Variants in FAM163B observed in about 807,000 individuals in gnomAD.
The protein encoded by FAM163B is family with sequence similarity 163 member B.
FAM163B carries 4 observed loss-of-function variants against 7.6 expected under a neutral mutation model. The ratio of observed to expected loss-of-function variants is 0.52; its 90% CI spans 0.26 to 1.20. The LOEUF (loss-of-function observed/expected upper bound fraction) is 1.20, where lower values mean the gene tolerates loss of function less well. FAM163B is among the 50% of genes most tolerant of loss of function. The probability of loss-of-function intolerance (pLI) is 0.14; values close to 1 mark genes in which losing one functional copy is unlikely to be tolerated. For missense variants in FAM163B, 250 were observed against 243.0 expected (o/e 1.03, Z -0.19); for synonymous variants, 120 against 111.6 (o/e 1.07, Z -0.47).
At chr9:133,605,231 G>T (rs1444092506) in intron 1 of FAM163B, among the ~76,000 whole-genome samples, 1 of 152,212 alleles carries the variant, frequency 6.6e-6, no homozygotes, top group Admixed American at 6.5e-5. Flanking sequence ...CATCAGAGGC[G>T]GATGTAATGA....
At chr9:133,592,095 G>A (rs1200016005) in intron 1 of FAM163B, among the ~76,000 whole-genome samples, 1 of 152,134 alleles carries the variant, frequency 6.6e-6, no homozygotes, top group Non-Finnish European at 1.5e-5. Flanking sequence ...AGCCTCCCCA[G>A]GACACTGTGA....
chr9:133,580,663 C>T (rs2131213768), intron 1 of FAM163B, among the ~76,000 whole-genome samples: 1 of 152,316 alleles, frequency 6.6e-6, no homozygotes, highest in East Asian at 1.9e-4. Flanking sequence ...CCTGCATTTT[C>T]ATCTCACACA....
Position 133,600,128 on chromosome 9 carries a change from G to T in FAM163B, c.-24+8949C>A, listed in dbSNP as rs1831698428. On this transcript the variant is annotated intron_variant, in intron 1 of 2. Coordinates refer to ENST00000673969, the MANE Select transcript of FAM163B (RefSeq NM_001080515.3). The surrounding 1 kb of genome is among the most constrained non-coding windows in gnomAD (Gnocchi z 4.9). ...ATGTGTGTGGTCTATGTGTATGTGT[G>T]TCTGTGTGCGTGTGTGAATGTATGT... is the stretch of plus-strand genomic sequence containing the variant. Among the ~76,000 whole-genome samples the T allele has an allele frequency of 6.6e-6, 1 of 150,930 alleles. No individual in the cohort carries two copies. The highest frequency in any genetic ancestry group is 6.6e-5 in the Admixed American group (1 of 15,140).
At chr9:133,580,295 A>C in intron 1 of FAM163B, 49 bp from the exon 2 acceptor site, 5 of 1,361,844 alleles carry the variant, frequency 3.7e-6, no homozygotes, top group Non-Finnish European at 5.2e-6. Context: ...CTCACCACAA[A>C]AGTCACTCGT....
intron 1 of FAM163B, among the ~76,000 whole-genome samples, 51 bp downstream of exon 1, chr9:133,609,026 C>A (rs887568118): frequency 5.3e-5 from 8 of 152,338 alleles, no homozygotes; most frequent in African/African-American, 1.2e-4. Flanking sequence ...AGCTTTCCAG[C>A]CTGCGTCTTC....
At chr9:133,589,873 C>T (rs1226653258) in intron 1 of FAM163B, among the ~76,000 whole-genome samples, 1 of 151,232 alleles carries the variant, frequency 6.6e-6, no homozygotes, top group Admixed American at 6.6e-5. Flanking sequence ...TGCAGTTTCC[C>T]GATCTCCCAG....
chr9:133,605,280 G>T (rs772734197), intron 1 of FAM163B, among the ~76,000 whole-genome samples: 14 of 152,224 alleles, frequency 9.2e-5, no homozygotes, highest in Non-Finnish European at 1.9e-4. Flanking sequence ...GCCCAGAGAG[G>T]CTGAGTAACC....
In FAM163B at chr9:133,580,058, G is replaced by A. The variant is rs1831332225; in HGVS notation, c.93+73C>T. 25 of 1,310,828 alleles carry A rather than the reference G, an allele frequency of 1.9e-5. No homozygotes were observed. The South Asian group carries it at 2.3e-4, about 12-fold the overall frequency. 81.2% of individuals were successfully genotyped at this position (1,310,828 alleles called of 1,614,324 possible). ...GCCGTGACCCTTGTGACCTTCAGGC[G>A]GGGCTCCCTCCCGAGGTAGGGGCAC... On this transcript the variant is annotated intron_variant, in intron 2 of 2. Transcript: ENST00000673969.
rs1267696501 is a variant in FAM163B, at chr9:133,606,107, T to C, written c.-24+2970A>G. Among the ~76,000 whole-genome samples, 1 of 152,130 alleles carries C rather than the reference T, an allele frequency of 6.6e-6. No individual in the cohort carries two copies. Among genetic ancestry groups the C allele is most frequent in the Non-Finnish European group, 1.5e-5 (1 of 68,010 alleles). ...CTGACTCTCCAGCCTCCTCCTTCACTGATGAGGCCCGAGGGAAGGAGGAGG... is the reference window on the plus strand; with the variant it reads ...CTGACTCTCCAGCCTCCTCCTTCACCGATGAGGCCCGAGGGAAGGAGGAGG... On this transcript the variant is annotated intron_variant, in intron 1 of 2. Transcript: ENST00000673969. The surrounding 1 kb of genome is among the most constrained non-coding windows in gnomAD (Gnocchi z 4.0).
chr9:133,599,683 CAG>C (rs1334764725), intron 1 of FAM163B, among the ~76,000 whole-genome samples: 23 of 148,678 alleles, frequency 1.5e-4, no homozygotes, highest in Non-Finnish European at 2.7e-4. Flanking sequence ...GCATATGTGT[CAG>C]TGTGCATGTG....
chr9:133,588,837 C>T lies in FAM163B; in HGVS notation c.-23-8591G>A, dbSNP rs57113100. ...GCCAGTCACCCTGAATGGTCGTGGG[C>T]GCCAAGTTGTTGGTAGAGGAGATGG... is the stretch of plus-strand genomic sequence containing the variant. On this transcript the variant is annotated intron_variant, in intron 1 of 2. Transcript: ENST00000673969. Among the ~76,000 whole-genome samples the T allele has an allele frequency of 5.2e-4, 79 of 151,282 alleles. No homozygotes were observed. In the East Asian group the frequency reaches 9.8e-3, roughly 19 times the overall value.
At chr9:133,582,147 G>A (rs3893343) in intron 1 of FAM163B, among the ~76,000 whole-genome samples, 24,872 of 151,914 alleles carry the variant, frequency 0.16, 2,417 homozygotes, top group East Asian at 0.48. Flanking sequence ...GGCTGTGTGT[G>A]TGCCGAGAGG....
chr9:133,588,899 T>C (rs1261887249), intron 1 of FAM163B, among the ~76,000 whole-genome samples: 1 of 151,816 alleles, frequency 6.6e-6, no homozygotes, highest in Non-Finnish European at 1.5e-5. Context: ...GATGCTGAGC[T>C]CAGCAGCCTC....
In FAM163B at chr9:133,608,322, T is replaced by C. The variant is rs1490159816; in HGVS notation, c.-24+755A>G. Among the ~76,000 whole-genome samples, 3 of 152,336 alleles carry C rather than the reference T, an allele frequency of 2.0e-5. No individual in the cohort carries two copies. In the East Asian group the frequency reaches 5.8e-4, roughly 29 times the overall value. ...CACTTGTGCCCAGGCAGTCCGTGGC[T>C]GCGGGAGGACAGGACACGAGTGGGG... On this transcript the variant is annotated intron_variant, in intron 1 of 2. Transcript: ENST00000673969.
At chr9:133,587,699 C>T (rs2131230564) in intron 1 of FAM163B, among the ~76,000 whole-genome samples, 1 of 152,228 alleles carries the variant, frequency 6.6e-6, no homozygotes, top group East Asian at 1.9e-4. Context: ...CCCTGGGCCT[C>T]CTGGAGATGA....
intron 1 of FAM163B, among the ~76,000 whole-genome samples, chr9:133,596,073 T>G (rs1588331055): frequency 6.7e-6 from 1 of 149,240 alleles, no homozygotes; most frequent in Non-Finnish European, 1.5e-5. Context: ...GGAGGCAGAG[T>G]GGGAGGAAGC....
At chr9:133,593,462 G>A (rs751016528) in intron 1 of FAM163B, among the ~76,000 whole-genome samples, 6 of 151,894 alleles carry the variant, frequency 4.0e-5, no homozygotes, top group Non-Finnish European at 8.8e-5. Flanking sequence ...CTGCTCCCAG[G>A]CCCTCACCTC....
chr9:133,590,646 A>C (rs1831538859), intron 1 of FAM163B, among the ~76,000 whole-genome samples: 1 of 152,194 alleles, frequency 6.6e-6, no homozygotes, highest in Non-Finnish European at 1.5e-5. Flanking sequence ...AGCCTTACGG[A>C]CAGGAGCAGG....
In FAM163B at chr9:133,580,141, C is replaced by T; in HGVS notation, c.83G>A (p.Cys28Tyr). 1 of 1,612,126 alleles carries T rather than the reference C, an allele frequency of 6.2e-7. No homozygotes were observed. ...GCCGCCCGGGAATACCTGGAGCCGG[C>T]AGTAGCACAGAACAGCGATGATGCA... ...LLCIIAVLCY[C>Y]RLQYYCCKKD... The change falls in exon 2 of 3, where the codon TGC becomes TAC. Residue 28 changes from cysteine to tyrosine, a missense_variant. Physicochemically the swap from Cys to Tyr is radical, Grantham distance 194. Coordinates refer to ENST00000673969, the MANE Select transcript of FAM163B (RefSeq NM_001080515.3).
Sources: gnomAD v4.1 joint callset for allele counts (sites outside exome capture counted in the v4.1 genomes callset) on GRCh38, gnomAD v4.1.1 for gene constraint, Gnocchi (gnomAD v3.1) non-coding constraint, MANE v1.5 for transcripts, NCBI Gene and HGNC (gene_info 2026-07-23, HGNC 2026-07-21) for gene names.